Variants in CTNNA3 observed in about 807,000 individuals in gnomAD.
The protein encoded by CTNNA3 is catenin alpha 3.
CTNNA3 carries 76 observed loss-of-function variants against 95.7 expected under a neutral mutation model. That is an observed-to-expected ratio of 0.79 (90% confidence interval 0.66 to 0.96). The LOEUF is 0.96. Among genes scored for constraint, CTNNA3 ranks in the 40% least tolerant of loss-of-function variants. The probability of loss-of-function intolerance (pLI) is 0.00; values close to 1 mark genes in which losing one functional copy is unlikely to be tolerated. For synonymous variants in CTNNA3, 431 were observed against 374.4 expected, an observed-to-expected ratio of 1.15 and a Z score of -1.74; for missense variants, 1,191 against 1,089.8, an observed-to-expected ratio of 1.09 and a Z score of -1.31.
intron 13 of CTNNA3, among the ~76,000 whole-genome samples, chr10:66,269,529 G>A (rs961617109): frequency 3.9e-5 from 6 of 152,070 alleles, no homozygotes; most frequent in Admixed American, 1.3e-4. Flanking sequence ...AATAATTTTT[G>A]TTATGGGATC....
intron 12 of CTNNA3, among the ~76,000 whole-genome samples, chr10:66,301,694 A>G (rs1461309859): frequency 6.6e-6 from 1 of 151,972 alleles, no homozygotes; most frequent in East Asian, 1.9e-4. Flanking sequence ...ACTCTCAGCA[A>G]AGTAGGAATA....
chr10:67,481,277 C>A (rs1486078174), intron 5 of CTNNA3, among the ~76,000 whole-genome samples: 1 of 152,024 alleles, frequency 6.6e-6, no homozygotes, highest in Non-Finnish European at 1.5e-5. Flanking sequence ...GTTCTAGCTG[C>A]AACAATGAGG....
At chr10:67,719,124 G>C (rs1274091142) in intron 1 of CTNNA3, among the ~76,000 whole-genome samples, 1 of 152,066 alleles carries the variant, frequency 6.6e-6, no homozygotes, top group African/African-American at 2.4e-5. Context: ...ATGGTAGTTT[G>C]TATTTCTGTG....
intron 13 of CTNNA3, among the ~76,000 whole-genome samples, chr10:66,113,464 T>C (rs2082195532): frequency 6.6e-6 from 1 of 152,176 alleles, no homozygotes; most frequent in Admixed American, 6.6e-5. Context: ...CAAAACTTCT[T>C]ACAACATAAG....
intron 13 of CTNNA3, among the ~76,000 whole-genome samples, chr10:66,241,418 G>T (rs1270636140): frequency 2.6e-5 from 4 of 152,156 alleles, no homozygotes; most frequent in African/African-American, 9.7e-5. Flanking sequence ...CTCAGCTATT[G>T]TTCCAATTAC....
chr10:66,061,561 C>T (rs187662146), intron 15 of CTNNA3, among the ~76,000 whole-genome samples: 5 of 152,134 alleles, frequency 3.3e-5, no homozygotes, highest in African/African-American at 1.2e-4. Flanking sequence ...TCAGTTGTTA[C>T]GTATCTCCTA....
chr10:66,476,703 C>A (rs910088427), intron 11 of CTNNA3, among the ~76,000 whole-genome samples: 11 of 152,012 alleles, frequency 7.2e-5, no homozygotes, highest in Non-Finnish European at 1.5e-4. Context: ...TATAAAACCT[C>A]TCTACCAAGT....
intron 1 of CTNNA3, among the ~76,000 whole-genome samples, chr10:67,762,759 C>T (rs1359522415): frequency 1.3e-5 from 2 of 152,152 alleles, no homozygotes; most frequent in East Asian, 3.9e-4. Flanking sequence ...CACACCCTGG[C>T]CCTGGTAGTT....
Position 67,499,025 on chromosome 10 carries a change from G to C in CTNNA3, c.579+22817C>G, listed in dbSNP as rs542511846. 1.7e-4 allele frequency among the ~76,000 whole-genome samples: 26 copies of C among 152,304 alleles called. 1 individual carries two copies. The South Asian group carries it at 5.0e-3, about 29-fold the overall frequency. ...CTTGTCTTGTGCCAGTTTTCAAAGG[G>C]AATGCTTCCGGTTTTTGTCCATTCA... On this transcript the variant is annotated intron_variant, in intron 5 of 17. Coordinates refer to ENST00000433211, the MANE Select transcript of CTNNA3 (RefSeq NM_013266.4).
chr10:66,811,979 T>C (rs1300970561), intron 7 of CTNNA3, among the ~76,000 whole-genome samples: 1 of 152,296 alleles, frequency 6.6e-6, no homozygotes, highest in Non-Finnish European at 1.5e-5. Context: ...CTATTCACAT[T>C]TGAGCTCCTG....
At chr10:66,173,000 G>A (rs2131836344) in intron 13 of CTNNA3, among the ~76,000 whole-genome samples, 1 of 152,282 alleles carries the variant, frequency 6.6e-6, no homozygotes, top group Middle Eastern at 3.4e-3. Flanking sequence ...CACTGACCCA[G>A]TGGAGCCTGA....
intron 12 of CTNNA3, among the ~76,000 whole-genome samples, chr10:66,360,022 T>G (rs2092641396): frequency 6.6e-6 from 1 of 151,612 alleles, no homozygotes; most frequent in Admixed American, 6.6e-5. Flanking sequence ...AGAGACGGGG[T>G]TTCAGCATGT....
At chr10:66,101,101 C>T (rs922239763) in intron 14 of CTNNA3, among the ~76,000 whole-genome samples, 2 of 152,176 alleles carry the variant, frequency 1.3e-5, no homozygotes, top group Admixed American at 1.3e-4. Context: ...CACGCACCCA[C>T]TTCCCTGAAA....
chr10:67,211,510 T>C (rs532868134), intron 6 of CTNNA3, among the ~76,000 whole-genome samples: 3 of 152,296 alleles, frequency 2.0e-5, no homozygotes, highest in South Asian at 2.1e-4. Context: ...ATTAGATGCA[T>C]TAAAACCTCA....
At chr10:67,255,938 A>C (rs1397094525) in intron 5 of CTNNA3, among the ~76,000 whole-genome samples, 2 of 152,088 alleles carry the variant, frequency 1.3e-5, no homozygotes, top group Non-Finnish European at 2.9e-5. Context: ...TTTCTTAGTG[A>C]ATTCTTACCA....
chr10:66,353,955 A>C (rs778408156), intron 12 of CTNNA3, among the ~76,000 whole-genome samples: 1 of 152,048 alleles, frequency 6.6e-6, no homozygotes, highest in Non-Finnish European at 1.5e-5. Context: ...AAAAATAATC[A>C]TCCATATGGG....
intron 13 of CTNNA3, among the ~76,000 whole-genome samples, chr10:66,150,745 C>T (rs920967610): frequency 6.6e-6 from 1 of 151,980 alleles, no homozygotes; most frequent in African/African-American, 2.4e-5. Flanking sequence ...GGTAAAACTA[C>T]TTATCATTCC....
intron 11 of CTNNA3, among the ~76,000 whole-genome samples, chr10:66,420,217 C>G (rs771105645): frequency 2.0e-5 from 3 of 152,148 alleles, no homozygotes; most frequent in Middle Eastern, 3.4e-3. Context: ...GAAGTAGGCA[C>G]AGAACATTAA....
intron 13 of CTNNA3, among the ~76,000 whole-genome samples, chr10:66,219,899 G>A (rs1341571224): frequency 1.3e-5 from 2 of 152,112 alleles, no homozygotes; most frequent in African/African-American, 4.8e-5. Context: ...TGAGGCGGGC[G>A]GCTCCTTTGA....
Sources: gnomAD v4.1 joint callset for allele counts (sites outside exome capture counted in the v4.1 genomes callset) on GRCh38, gnomAD v4.1.1 for gene constraint, MANE v1.5 for transcripts, NCBI Gene and HGNC (gene_info 2026-07-23, HGNC 2026-07-21) for gene names.